ST3GAL3: variants seen among roughly 807,000 people sequenced by gnomAD.
ST3GAL3 encodes ST3 beta-galactoside alpha-2,3-sialyltransferase 3, also known as CMP-N-acetylneuraminate-beta-1,4-galactoside alpha-2,3-sialyltransferase.
A neutral mutation model predicts 50.1 loss-of-function variants in ST3GAL3; 21 were observed. The ratio of observed to expected loss-of-function variants is 0.42; its 90% CI spans 0.30 to 0.60. The LOEUF (loss-of-function observed/expected upper bound fraction) is 0.60. Ranked by LOEUF, ST3GAL3 falls within the 20% of genes least tolerant of loss-of-function variation. The pLI is 0.19. For missense variants in ST3GAL3, 353 were observed against 489.4 expected (o/e 0.72, Z 2.63); for synonymous variants, 183 against 190.0 (o/e 0.96, Z 0.30).
chr1:43,734,214 A>G (rs535531593), intron 1 of ST3GAL3, among the ~76,000 whole-genome samples: 1 of 144,546 alleles, frequency 6.9e-6, no homozygotes, highest in Admixed American at 6.8e-5. Context: ...ATTTTTAGTT[A>G]TTTTATAGAT....
At chr1:43,924,250 C>T (rs538495987) in intron 11 of ST3GAL3, among the ~76,000 whole-genome samples, 1 of 152,096 alleles carries the variant, frequency 6.6e-6, no homozygotes, top group Non-Finnish European at 1.5e-5. Flanking sequence ...TCACCATCAC[C>T]GTGGCCCCGA....
chr1:43,908,667 C>T (rs1205243921), intron 9 of ST3GAL3, among the ~76,000 whole-genome samples: 1 of 150,738 alleles, frequency 6.6e-6, no homozygotes, highest in East Asian at 1.9e-4. Flanking sequence ...TGCTCTGTCA[C>T]CCAGACAGGA....
chr1:43,765,815 G>A (rs574666804), intron 2 of ST3GAL3, among the ~76,000 whole-genome samples: 30 of 145,656 alleles, frequency 2.1e-4, no homozygotes, highest in Admixed American at 6.7e-4. Flanking sequence ...GCGCGTCCGC[G>A]TGCGCTTTTT....
chr1:43,721,860 C>G (rs903445588), intron 1 of ST3GAL3, among the ~76,000 whole-genome samples: 1 of 152,046 alleles, frequency 6.6e-6, no homozygotes. Flanking sequence ...CTTGGCCTCC[C>G]AAAGTGCTGG....
intron 5 of ST3GAL3, among the ~76,000 whole-genome samples, chr1:43,864,371 C>T (rs1281830697): frequency 2.0e-5 from 3 of 152,160 alleles, no homozygotes; most frequent in Non-Finnish European, 4.4e-5. Context: ...CTGATAAGGG[C>T]CCCTAACCAA....
chr1:43,791,517 C>G (rs1236072573), intron 2 of ST3GAL3, among the ~76,000 whole-genome samples: 3 of 152,184 alleles, frequency 2.0e-5, no homozygotes, highest in Non-Finnish European at 4.4e-5. Flanking sequence ...AAGGCTCAGG[C>G]CCTGATTCTG....
chr1:43,851,310 G>A (rs1015868626), intron 5 of ST3GAL3: 6 of 1,534,632 alleles, frequency 3.9e-6, no homozygotes, highest in Middle Eastern at 3.4e-4. Flanking sequence ...CCCCCATCTG[G>A]CAGGTCCAGG....
chr1:43,908,927 C>A (rs372882537), intron 9 of ST3GAL3, among the ~76,000 whole-genome samples: 1 of 152,076 alleles, frequency 6.6e-6, no homozygotes, highest in Admixed American at 6.5e-5. Flanking sequence ...CCACTGCGCC[C>A]GGCCCTTGCC....
In ST3GAL3 at chr1:43,921,260, A is replaced by G. The variant is rs577198345; in HGVS notation, c.1038+332A>G. On this transcript the variant is annotated intron_variant, in intron 11 of 11. Coordinates refer to ENST00000347631, the MANE Select transcript of ST3GAL3 (RefSeq NM_006279.5). ...CCCCAGAGGACGCTATTTTCCCTCA[A>G]AAAACCCACAACTGAACACTGCCTC... Among the ~76,000 whole-genome samples the G allele has an allele frequency of 3.7e-3, 557 of 152,272 alleles. 3 individuals carry two copies. Among genetic ancestry groups the G allele is most frequent in the Non-Finnish European group, 6.3e-3 (428 of 68,004 alleles).
At chr1:43,765,848 T>G (rs899964605) in intron 2 of ST3GAL3, among the ~76,000 whole-genome samples, 2 of 151,580 alleles carry the variant, frequency 1.3e-5, no homozygotes, top group African/African-American at 4.9e-5. Flanking sequence ...AGGAGAAGAT[T>G]GAGAAGCTTC....
chr1:43,915,464 AC>A (rs2081628834), intron 9 of ST3GAL3, among the ~76,000 whole-genome samples: 1 of 152,250 alleles, frequency 6.6e-6, no homozygotes, highest in South Asian at 2.1e-4. Context: ...CAGGATCTGC[AC>A]ATGGTGAGTG....
At chr1:43,910,437 C>T (rs747075515) in intron 9 of ST3GAL3, among the ~76,000 whole-genome samples, 1 of 152,236 alleles carries the variant, frequency 6.6e-6, no homozygotes, top group Non-Finnish European at 1.5e-5. Context: ...ATCATGAAAG[C>T]TTCCCTGCAT....
At chr1:43,880,931 T>C (rs71636615) in intron 5 of ST3GAL3, among the ~76,000 whole-genome samples, 6 of 152,176 alleles carry the variant, frequency 3.9e-5, no homozygotes, top group Admixed American at 3.3e-4. Flanking sequence ...GTTATTATTG[T>C]GACGTTGATC....
Position 43,899,685 on chromosome 1 carries a change from G to T in ST3GAL3, c.702G>T (p.Gln234His). 2 of 1,614,170 alleles carry T rather than the reference G, an allele frequency of 1.2e-6. No individual in the cohort carries two copies. The highest frequency in any genetic ancestry group is 2.2e-5 in the South Asian group (2 of 91,086). ...TTGTCCTCGCCGGCTTCAAGTGGCA[G>T]GACTTTAAGTGGTTGAAATACATCG... ...SLFVLAGFKW[Q>H]DFKWLKYIVY... The change falls in exon 9 of 12, where the codon CAG becomes CAT. Residue 234 changes from glutamine to histidine, a missense_variant. Coordinates refer to ENST00000347631, the MANE Select transcript of ST3GAL3 (RefSeq NM_006279.5). The surrounding 1 kb of genome is among the most constrained non-coding windows in gnomAD (Gnocchi z 5.4).
At chr1:43,796,295 G>T (rs2058677663) in intron 3 of ST3GAL3, among the ~76,000 whole-genome samples, 1 of 152,198 alleles carries the variant, frequency 6.6e-6, no homozygotes. Context: ...CAGCTTTCTG[G>T]CCAGAGGCCC....
intron 5 of ST3GAL3, among the ~76,000 whole-genome samples, chr1:43,877,106 G>A (rs1309085311): frequency 1.3e-5 from 2 of 152,148 alleles, no homozygotes; most frequent in African/African-American, 4.8e-5. Context: ...CATTTGATCA[G>A]GTGTTCAGAG....
At chr1:43,885,741 GC>G (rs932945057) in intron 5 of ST3GAL3, among the ~76,000 whole-genome samples, 8 of 152,150 alleles carry the variant, frequency 5.3e-5, no homozygotes, top group Admixed American at 1.3e-4. Flanking sequence ...TTGTTTATAG[GC>G]CCCAGCCCAT....
At chr1:43,813,885 A>G (rs61768440) in intron 3 of ST3GAL3, among the ~76,000 whole-genome samples, 6 of 39,588 alleles carry the variant, frequency 1.5e-4, no homozygotes, top group African/African-American at 2.0e-4. Context: ...ACACACACAC[A>G]CACACACACG....
intron 3 of ST3GAL3, among the ~76,000 whole-genome samples, chr1:43,797,417 A>G (rs927816260): frequency 6.6e-6 from 1 of 152,186 alleles, no homozygotes; most frequent in African/African-American, 2.4e-5. Context: ...AAATTTTTGA[A>G]GAAACAATGG....
Sources: gnomAD v4.1 joint callset for allele counts (sites outside exome capture counted in the v4.1 genomes callset) on GRCh38, gnomAD v4.1.1 for gene constraint, Gnocchi (gnomAD v3.1) non-coding constraint, MANE v1.5 for transcripts, NCBI Gene and HGNC (gene_info 2026-07-23, HGNC 2026-07-21) for gene names.